Variants in CENPP observed in about 807,000 individuals in gnomAD.
The protein encoded by CENPP is centromere protein P.
A neutral mutation model predicts 35.6 loss-of-function variants in CENPP; 24 were observed. The ratio of observed to expected loss-of-function variants is 0.67; its 90% CI spans 0.49 to 0.95. The LOEUF is 0.95. CENPP is among the 40% of genes least tolerant of loss of function. The probability of loss-of-function intolerance (pLI) is 0.00; values close to 1 mark genes in which losing one functional copy is unlikely to be tolerated. For missense variants in CENPP, 332 were observed against 345.3 expected, an observed-to-expected ratio of 0.96 and a Z score of 0.31; for synonymous variants, 120 against 125.5, an observed-to-expected ratio of 0.96 and a Z score of 0.29.
At chr9:92,328,492 C>T (rs1199299672) in intron 1 of CENPP, among the ~76,000 whole-genome samples, 2 of 152,092 alleles carry the variant, frequency 1.3e-5, no homozygotes, top group African/African-American at 2.4e-5. Context: ...CAGTTTCCTC[C>T]GTGGTAAAAT....
At chr9:92,368,030 G>T (rs1259538587) in intron 4 of CENPP, among the ~76,000 whole-genome samples, 2 of 152,132 alleles carry the variant, frequency 1.3e-5, no homozygotes, top group African/African-American at 4.8e-5. Context: ...ATACTACACT[G>T]CATACATTAT....
intron 5 of CENPP, among the ~76,000 whole-genome samples, chr9:92,429,078 T>C (rs1844039030): frequency 6.6e-6 from 1 of 152,204 alleles, no homozygotes; most frequent in Non-Finnish European, 1.5e-5. Flanking sequence ...GATAAGACTC[T>C]TTTATGAGCT....
At chr9:92,505,714 A>C (rs1846962807) in intron 5 of CENPP, 2 of 1,516,196 alleles carry the variant, frequency 1.3e-6, no homozygotes, top group Non-Finnish European at 1.8e-6. Flanking sequence ...AAGTATTAGA[A>C]TATTAGGATA....
Position 92,617,196 on chromosome 9 carries a change from A to G in CENPP, c.*4047A>G, listed in dbSNP as rs978638509. On this transcript the variant is annotated 3_prime_UTR_variant, in exon 8 of 8. Coordinates refer to ENST00000375587, the MANE Select transcript of CENPP (RefSeq NM_001012267.3). Reference sequence around the variant, plus strand: ...CCTGCAGCTCATCCCAAGGGGCCACATTTTATTGGGAGAACCTCAGAAGCC... The same window carrying G: ...CCTGCAGCTCATCCCAAGGGGCCACGTTTTATTGGGAGAACCTCAGAAGCC... The G allele has an allele frequency of 5.3e-5, 8 of 152,190 alleles. No homozygotes were observed. Among genetic ancestry groups the G allele is most frequent in the Non-Finnish European group, 1.0e-4 (7 of 68,064 alleles). 9.4% of individuals were successfully genotyped at this position (152,190 alleles called of 1,614,324 possible).
intron 5 of CENPP, chr9:92,470,659 A>G (rs371229890): frequency 2.4e-5 from 32 of 1,327,884 alleles, no homozygotes; most frequent in Admixed American, 4.0e-5. Context: ...GTATGAGGAT[A>G]TATTCTTACA....
chr9:92,382,487 C>CAAAT (rs1842276699), intron 5 of CENPP, among the ~76,000 whole-genome samples: 1 of 152,240 alleles, frequency 6.6e-6, no homozygotes. Flanking sequence ...TATCCTTTAA[C>CAAAT]AAATCTCTCC....
chr9:92,494,971 C>T (rs1429765798), intron 5 of CENPP, among the ~76,000 whole-genome samples: 2 of 152,108 alleles, frequency 1.3e-5, no homozygotes, highest in African/African-American at 4.8e-5. Context: ...CTGAAAGTCA[C>T]CCATGAAATT....
intron 5 of CENPP, among the ~76,000 whole-genome samples, chr9:92,568,071 CT>C: frequency 6.7e-6 from 1 of 148,602 alleles, no homozygotes. Context: ...ATGTATTTTT[CT>C]TCTTTTTTTT....
chr9:92,441,522 G>C (rs192730391), intron 5 of CENPP, among the ~76,000 whole-genome samples: 3 of 152,286 alleles, frequency 2.0e-5, no homozygotes, highest in Admixed American at 2.0e-4. Flanking sequence ...ACTTTGGGAG[G>C]CTGAGGCAGG....
chr9:92,608,595 C>T (rs758874999), intron 5 of CENPP, among the ~76,000 whole-genome samples: 16 of 152,286 alleles, frequency 1.1e-4, no homozygotes, highest in Non-Finnish European at 2.2e-4. Flanking sequence ...ATCTTCTCTC[C>T]CCACCTGTAC....
intron 5 of CENPP, among the ~76,000 whole-genome samples, chr9:92,396,739 T>C (rs72752449): frequency 0.031 from 4,661 of 152,034 alleles, 110 homozygotes; most frequent in South Asian, 0.083. Flanking sequence ...TTTTTCTTGG[T>C]TAAATTTTTT....
In CENPP at chr9:92,471,199, C is replaced by CT. The variant is rs373674313; in HGVS notation, c.564+91355dup. Among the ~76,000 whole-genome samples, 483 of 140,824 alleles carry CT rather than the reference C, an allele frequency of 3.4e-3. 3 individuals are homozygous for CT. Among genetic ancestry groups the CT allele is most frequent in the African/African-American group, 6.5e-3 (253 of 38,750 alleles). 92.4% of individuals were successfully genotyped at this position (140,824 alleles called of 152,430 possible). A position where few individuals can be genotyped will look rare whatever the true frequency, so the allele number is the denominator to read the frequency against. On this transcript the variant is annotated intron_variant, in intron 5 of 7. Coordinates refer to ENST00000375587, the MANE Select transcript of CENPP (RefSeq NM_001012267.3). Reference sequence around the variant, plus strand: ...ATATGGGTCTTGATAATTTTTCTTTCTTTTTTTTTTTTTTTGAGATGGAGT... The same window carrying CT: ...ATATGGGTCTTGATAATTTTTCTTTCTTTTTTTTTTTTTTTTGAGATGGAGT...
intron 4 of CENPP, among the ~76,000 whole-genome samples, chr9:92,357,055 T>A: frequency 6.6e-6 from 1 of 152,344 alleles, no homozygotes; most frequent in South Asian, 2.1e-4. Context: ...AAAATTACAT[T>A]AATACTAGCT....
chr9:92,405,944 G>T (rs1166853102), intron 5 of CENPP, among the ~76,000 whole-genome samples: 1 of 152,178 alleles, frequency 6.6e-6, no homozygotes, highest in Non-Finnish European at 1.5e-5. Flanking sequence ...CCTCAAGGAA[G>T]ATTTATAGCC....
chr9:92,413,507 A>G (rs1052837715), intron 5 of CENPP, among the ~76,000 whole-genome samples: 9 of 152,184 alleles, frequency 5.9e-5, no homozygotes, highest in Non-Finnish European at 1.2e-4. Flanking sequence ...GCTCTAGGTT[A>G]GGAATTGTCT....
chr9:92,447,287 G>A (rs1387805769), intron 5 of CENPP, among the ~76,000 whole-genome samples: 7 of 152,036 alleles, frequency 4.6e-5, no homozygotes, highest in African/African-American at 1.4e-4. Flanking sequence ...TGTAGAATCA[G>A]TAGGAACCCT....
At chr9:92,599,334 G>A (rs1034595789) in intron 5 of CENPP, among the ~76,000 whole-genome samples, 1 of 152,172 alleles carries the variant, frequency 6.6e-6, no homozygotes, top group African/African-American at 2.4e-5. Context: ...CTCCCCGTCC[G>A]ACACCAGCCC....
At chr9:92,486,520 A>G (rs1349212142) in intron 5 of CENPP, among the ~76,000 whole-genome samples, 1 of 152,168 alleles carries the variant, frequency 6.6e-6, no homozygotes, top group Non-Finnish European at 1.5e-5. Flanking sequence ...CTGATGTCCT[A>G]TGTAGCAGCA....
At chr9:92,448,818 A>T (rs1429397265) in intron 5 of CENPP, among the ~76,000 whole-genome samples, 3 of 152,188 alleles carry the variant, frequency 2.0e-5, no homozygotes, top group Admixed American at 6.5e-5. Flanking sequence ...CTCTTCACCC[A>T]GTTCATGGCC....
Sources: gnomAD v4.1 joint callset for allele counts (sites outside exome capture counted in the v4.1 genomes callset) on GRCh38, gnomAD v4.1.1 for gene constraint, MANE v1.5 for transcripts, NCBI Gene and HGNC (gene_info 2026-07-23, HGNC 2026-07-21) for gene names.